The following SLC24A2 variants were observed in gnomAD, a reference collection of about 807,000 sequenced individuals.
SLC24A2 encodes the protein solute carrier family 24 member 2, also known as sodium/potassium/calcium exchanger 2.
Under a neutral mutation model 62.0 loss-of-function variants are expected in SLC24A2, and 36 were observed. The observed-to-expected ratio is 0.58, with a 90% CI of 0.44 to 0.77. The LOEUF is 0.77. Among genes scored for constraint, SLC24A2 ranks in the 30% least tolerant of loss-of-function variants. SLC24A2 has a pLI of 0.00. For synonymous variants in SLC24A2, 358 were observed against 294.0 expected, an observed-to-expected ratio of 1.22 and a Z score of -2.23; for missense variants, 846 against 817.9, an observed-to-expected ratio of 1.03 and a Z score of -0.42.
chr9:20,035,993 G>C, the SLC24A2 span, among the ~76,000 whole-genome samples: 1 of 152,148 alleles, frequency 6.6e-6, no homozygotes, highest in African/African-American at 2.4e-5. Flanking sequence ...AAGAGAGAAT[G>C]AATGTGATTT....
At chr9:19,873,470 T>C in the SLC24A2 span, among the ~76,000 whole-genome samples, 1 of 150,676 alleles carries the variant, frequency 6.6e-6, no homozygotes, top group Non-Finnish European at 1.5e-5. Flanking sequence ...TCTTTTTCTT[T>C]CTCTCTCTCC....
At chr9:19,706,559 T>C (rs1390784333) in intron 2 of SLC24A2, among the ~76,000 whole-genome samples, 2 of 152,014 alleles carry the variant, frequency 1.3e-5, no homozygotes, top group African/African-American at 4.8e-5. Flanking sequence ...TTTGTATTTT[T>C]AGTAGAGACG....
At chr9:19,895,926 C>T in the SLC24A2 span, 73 of 1,613,446 alleles carry the variant, frequency 4.5e-5, no homozygotes, top group East Asian at 6.2e-4. Context: ...TCCTCCTCAT[C>T]AGGTCAAACA....
chr9:20,169,748 C>T, the SLC24A2 span, among the ~76,000 whole-genome samples: 3 of 151,894 alleles, frequency 2.0e-5, no homozygotes, highest in African/African-American at 7.2e-5. Context: ...AAAACCGACT[C>T]TGGTAATATG....
the SLC24A2 span, among the ~76,000 whole-genome samples, chr9:20,210,876 A>C: frequency 1.3e-5 from 2 of 151,692 alleles, no homozygotes; most frequent in African/African-American, 4.8e-5. Context: ...AGAGGAAGAG[A>C]AATTTGACAT....
At chr9:19,907,060 C>G in the SLC24A2 span, among the ~76,000 whole-genome samples, 2 of 152,100 alleles carry the variant, frequency 1.3e-5, no homozygotes, top group African/African-American at 4.8e-5. Context: ...TGATGAACAT[C>G]GATGCAAAAA....
At chr9:20,033,194 T>C in the SLC24A2 span, among the ~76,000 whole-genome samples, 2 of 152,228 alleles carry the variant, frequency 1.3e-5, no homozygotes, top group Non-Finnish European at 2.9e-5. Flanking sequence ...ATACCTGGTG[T>C]TTTCAAAAAG....
At chr9:19,893,504 G>A in the SLC24A2 span, among the ~76,000 whole-genome samples, 1 of 152,132 alleles carries the variant, frequency 6.6e-6, no homozygotes, top group African/African-American at 2.4e-5. Flanking sequence ...TTTTGAATAG[G>A]CAGAAAACAT....
At chr9:20,224,053 C>G in the SLC24A2 span, among the ~76,000 whole-genome samples, 1 of 151,908 alleles carries the variant, frequency 6.6e-6, no homozygotes, top group Admixed American at 6.6e-5. Context: ...CTCACTATAA[C>G]AAAAACAGCA....
Position 19,532,210 on chromosome 9 carries a change from G to C in SLC24A2, c.1480-4072C>G, listed in dbSNP as rs182244723. Among the ~76,000 whole-genome samples, 13 of 152,242 alleles carry C rather than the reference G, an allele frequency of 8.5e-5. No homozygotes were observed. The East Asian group carries it at 2.1e-3, about 25-fold the overall frequency. On this transcript the variant is annotated intron_variant, in intron 8 of 10. Coordinates refer to ENST00000341998, the MANE Select transcript of SLC24A2 (RefSeq NM_020344.4). ...TGTTTCTCCTACCTCAGCCTCCTGA[G>C]GTAGGGTTTACAGGCATGGGATTAC...
chr9:19,756,953 C>T (rs557435372), intron 2 of SLC24A2, among the ~76,000 whole-genome samples: 328 of 117,002 alleles, frequency 2.8e-3, no homozygotes, highest in Non-Finnish European at 4.5e-3. Flanking sequence ...CTCTGTTGCC[C>T]AGGCTGCAGT....
chr9:20,201,529 AG>A, the SLC24A2 span, among the ~76,000 whole-genome samples: 1 of 152,250 alleles, frequency 6.6e-6, no homozygotes, highest in Non-Finnish European at 1.5e-5. Flanking sequence ...TGAGAGATTG[AG>A]GAAGAAAAGA....
At chr9:19,964,430 C>T in the SLC24A2 span, among the ~76,000 whole-genome samples, 1 of 151,874 alleles carries the variant, frequency 6.6e-6, no homozygotes, top group African/African-American at 2.4e-5. Flanking sequence ...GTGGGCAGAC[C>T]ATTACTGTTT....
the SLC24A2 span, among the ~76,000 whole-genome samples, chr9:19,888,238 T>TTAATTTTTCTGGAAAATGTTC: frequency 6.6e-6 from 1 of 152,236 alleles, no homozygotes; most frequent in Non-Finnish European, 1.5e-5. Flanking sequence ...GGAAAATGTT[T>TTAATTTTTCTGGAAAATGTTC]ATATAATAGA....
At chr9:20,168,358 C>T in the SLC24A2 span, among the ~76,000 whole-genome samples, 1,411 of 150,940 alleles carry the variant, frequency 9.3e-3, 22 homozygotes, top group African/African-American at 0.031. Flanking sequence ...TAACAGGTAA[C>T]GAAATAAAAA....
At chr9:19,905,286 G>T in the SLC24A2 span, among the ~76,000 whole-genome samples, 2 of 152,058 alleles carry the variant, frequency 1.3e-5, no homozygotes, top group African/African-American at 2.4e-5. Flanking sequence ...TCAGCTCCCC[G>T]GTATTGTCCC....
At chr9:19,790,372 C>T (rs1362936436), upstream of SLC24A2, among the ~76,000 whole-genome samples, 1 of 151,776 alleles carries the variant, frequency 6.6e-6, no homozygotes, top group Non-Finnish European at 1.5e-5. Flanking sequence ...CCCCTTTTTC[C>T]TATGTCATCA....
At chr9:19,865,075 C>A in the SLC24A2 span, among the ~76,000 whole-genome samples, 2 of 151,900 alleles carry the variant, frequency 1.3e-5, no homozygotes, top group Admixed American at 6.6e-5. Flanking sequence ...AAAAGTAGTC[C>A]CATTTACAGT....
intron 2 of SLC24A2, among the ~76,000 whole-genome samples, chr9:19,680,208 CA>C (rs1185092905): frequency 2.6e-5 from 4 of 152,026 alleles, no homozygotes; most frequent in African/African-American, 9.7e-5. Context: ...GTAGTGGAAC[CA>C]ATAGGAGAAG....
Sources: gnomAD v4.1 joint callset for allele counts (sites outside exome capture counted in the v4.1 genomes callset) on GRCh38, gnomAD v4.1.1 for gene constraint, MANE v1.5 for transcripts, NCBI Gene and HGNC (gene_info 2026-07-23, HGNC 2026-07-21) for gene names.